PSG5: variants seen among roughly 807,000 people sequenced by gnomAD.
PSG5 encodes the protein pregnancy specific beta-1-glycoprotein 5.
Under a neutral mutation model 37.7 loss-of-function variants are expected in PSG5, and 53 were observed. The observed-to-expected ratio is 1.41, with a 90% confidence interval of 1.13 to 1.77. PSG5 has a LOEUF of 1.77. Ranked by LOEUF, PSG5 falls within the 40% of genes most tolerant of loss-of-function variation. PSG5 has a pLI of 0.00. For missense variants in PSG5, 547 were observed against 405.2 expected, an observed-to-expected ratio of 1.35 and a Z score of -3.00; for synonymous variants, 221 against 155.4, an observed-to-expected ratio of 1.42 and a Z score of -3.14.
In PSG5 at chr19:43,178,422, C is replaced by A. The variant is rs868500686; in HGVS notation, c.431-2274G>T. Among the ~76,000 whole-genome samples the A allele has an allele frequency of 1.8e-4, 27 of 151,918 alleles. No individual in the cohort carries two copies. The East Asian group carries it at 2.3e-3, about 13-fold the overall frequency. On this transcript the variant is annotated intron_variant, in intron 2 of 5. Coordinates refer to ENST00000342951, the MANE Select transcript of PSG5 (RefSeq NM_002781.4). ...TCTGTGAGGCAGGAGAGATTGGGGA[C>A]TTCCCCTGTATGGTAATAGGTGTAT...
Position 43,179,152 on chromosome 19 carries a change from T to C in PSG5, c.431-3004A>G, listed in dbSNP as rs193006784. 3.3e-4 allele frequency: 521 copies of C among 1,590,668 alleles called. 13 individuals are homozygous for C. Among genetic ancestry groups the C allele is most frequent in the Admixed American group, 4.7e-4 (28 of 59,672 alleles). On this transcript the variant is annotated intron_variant, in intron 2 of 5. Coordinates refer to ENST00000342951, the MANE Select transcript of PSG5 (RefSeq NM_002781.4). Reference sequence around the variant, plus strand: ...CTACTGGAGATGGAGGGCTTGGGAGTTTCCACTTTGCAGAAAACAGAGAGA... The same window carrying C: ...CTACTGGAGATGGAGGGCTTGGGAGCTTCCACTTTGCAGAAAACAGAGAGA...
rs184982422 is a variant in PSG5 at position 43,186,045 on chromosome 19, C to T, written c.64+297G>A. The stretch of plus-strand genomic sequence containing the variant: ...AGGCTGGCGTGCAGTGGTGCTATCT[C>T]GGCTCGCTGCAACTTCTGCCTCCCG... On this transcript the variant is annotated intron_variant, in intron 1 of 5. Coordinates refer to ENST00000342951, the MANE Select transcript of PSG5 (RefSeq NM_002781.4). Among the ~76,000 whole-genome samples, 8 of 151,154 alleles carry T rather than the reference C, an allele frequency of 5.3e-5. No homozygotes were observed. In the East Asian group the frequency reaches 9.7e-4, roughly 18 times the overall value.
rs139872039 is a variant in PSG5 at position 43,184,991 on chromosome 19, T to C, written c.221A>G (p.Asp74Gly). The change falls in exon 2 of 6, where the codon GAC (aspartate) becomes GGC (glycine). Residue 74 changes from aspartate (D) to glycine (G), a missense_variant. Transcript: ENST00000342951. ...ATATGATGTAATGTAATGGTAGAGG[T>C]CCATCAGTTGTCCTTTGTACCAGAT... ...GYIWYKGQLM[D>G]LYHYITSYVV... 1 of 1,612,482 alleles carries C rather than the reference T, an allele frequency of 6.2e-7. No individual in the cohort carries two copies. Among genetic ancestry groups the C allele is most frequent in the Admixed American group, 1.7e-5 (1 of 59,876 alleles).
chr19:43,176,349 A>G (rs970860261), intron 2 of PSG5, among the ~76,000 whole-genome samples: 16 of 151,604 alleles, frequency 1.1e-4, no homozygotes, highest in East Asian at 1.9e-4. Context: ...GTTTTAGGGA[A>G]GCACAGACTT....
At chr19:43,171,999 G>GAAAAAAAAAAAAAAAAAAA (rs1395609536) in intron 4 of PSG5, among the ~76,000 whole-genome samples, 1 of 132,148 alleles carries the variant, frequency 7.6e-6, no homozygotes, top group Admixed American at 7.4e-5. Context: ...AAAAAAAAAA[G>GAAAAAAAAAAAAAAAAAAA]AAAAAGAAAG....
At position 43,179,205 on chromosome 19, in the gene PSG5, C is replaced by T; in HGVS notation, c.431-3057G>A. 4.6e-6 allele frequency: 7 copies of T among 1,524,594 alleles called. 1 individual carries two copies. Among genetic ancestry groups the T allele is most frequent in the Non-Finnish European group, 6.3e-6 (7 of 1,113,518 alleles). The allele number at this position is 1,524,594 out of a possible 1,614,324, so 94.4% of individuals were successfully genotyped here. On this transcript the variant is annotated intron_variant, in intron 2 of 5. Coordinates refer to ENST00000342951, the MANE Select transcript of PSG5 (RefSeq NM_002781.4). ...ATTGCCCTGTGTGGCACCTTTGATT[C>T]CTCCAAAGGCACTTTTCAATCAGAG...
chr19:43,170,298 GTT>G (rs370714787), intron 4 of PSG5, 160 bp from the exon 5 acceptor site: 17 of 673,296 alleles, frequency 2.5e-5, no homozygotes, highest in East Asian at 5.0e-5. Context: ...TATTCTTGCA[GTT>G]TTTTTTTTCC....
At chr19:43,185,204 A>T in intron 1 of PSG5, 57 bp from the exon 2 acceptor site, 1 of 1,525,838 alleles carries the variant, frequency 6.6e-7, no homozygotes, top group East Asian at 2.3e-5. Flanking sequence ...GGGTGAAAAG[A>T]TGGAGCCCTG....
intron 1 of PSG5, 144 bp from the exon 2 acceptor site, chr19:43,185,291 A>G: frequency 3.3e-6 from 4 of 1,224,240 alleles, no homozygotes; most frequent in Non-Finnish European, 4.6e-6. Flanking sequence ...CAAAAGGTGC[A>G]TGTTAGTTTG....
In PSG5 at chr19:43,177,507, C is replaced by T. The variant is rs1185489938; in HGVS notation, c.431-1359G>A. On this transcript the variant is annotated intron_variant, in intron 2 of 5. Coordinates refer to ENST00000342951, the MANE Select transcript of PSG5 (RefSeq NM_002781.4). ...GTGATAAGCCAAATATATTCCTGCC[C>T]TTTTTTTTTTTTATCTCACCACGTT... Among the ~76,000 whole-genome samples, 3 of 144,112 alleles carry T rather than the reference C, an allele frequency of 2.1e-5. No homozygotes were observed. In the Admixed American group the frequency reaches 2.1e-4, roughly 10 times the overall value. 94.5% of individuals were successfully genotyped at this position (144,112 alleles called of 152,430 possible).
At position 43,179,261 on chromosome 19, in the gene PSG5, G is replaced by C. The variant is rs1172808682; in HGVS notation, c.431-3113C>G. 1.1e-5 allele frequency: 15 copies of C among 1,356,034 alleles called. 1 individual carries two copies. The highest frequency in any genetic ancestry group is 1.4e-5 in the Non-Finnish European group (14 of 985,942). The allele number at this position is 1,356,034 out of a possible 1,614,324, so 84.0% of individuals were successfully genotyped here. On this transcript the variant is annotated intron_variant, in intron 2 of 5. Coordinates refer to ENST00000342951, the MANE Select transcript of PSG5 (RefSeq NM_002781.4). ...ATTTCCCACCTGTCAGCCCACCCAA[G>C]TCCTTAAAAGCCCATGGCAGGTGTG...
intron 2 of PSG5, among the ~76,000 whole-genome samples, chr19:43,176,424 C>A (rs1441719262): frequency 6.6e-6 from 1 of 151,482 alleles, no homozygotes. Flanking sequence ...AGTCACAGCC[C>A]CTGGTACCCC....
intron 4 of PSG5, among the ~76,000 whole-genome samples, chr19:43,172,549 C>A (rs568890595): frequency 3.3e-5 from 5 of 151,396 alleles, no homozygotes; most frequent in Non-Finnish European, 7.4e-5. Flanking sequence ...AATACAAAAT[C>A]AACATTCAAA....
At chr19:43,178,321 G>C (rs960067217) in intron 2 of PSG5, among the ~76,000 whole-genome samples, 3 of 151,532 alleles carry the variant, frequency 2.0e-5, no homozygotes, top group Non-Finnish European at 4.4e-5. Flanking sequence ...TGGTGATTTG[G>C]GGAATAAAGC....
At chr19:43,185,296 AGTTT>A in intron 1 of PSG5, 149 bp from the exon 2 acceptor site, 3 of 1,199,488 alleles carry the variant, frequency 2.5e-6, no homozygotes, top group South Asian at 1.5e-5. Context: ...GGTGCATGTT[AGTTT>A]GTGTGTGTGT....
At chr19:43,180,234 C>G (rs537357376) in intron 2 of PSG5, 3 of 151,504 alleles carry the variant, frequency 2.0e-5, no homozygotes, top group Non-Finnish European at 1.5e-5. Context: ...CATGGGTGTG[C>G]GGTTTCAGTT....
Position 43,173,167 on chromosome 19 carries a change from C to A in PSG5, c.964+2048G>T, listed in dbSNP as rs538702635. 5.3e-5 allele frequency among the ~76,000 whole-genome samples: 8 copies of A among 151,680 alleles called. No homozygotes were observed. In the East Asian group the frequency reaches 1.2e-3, roughly 22 times the overall value. On this transcript the variant is annotated intron_variant, in intron 4 of 5. Coordinates refer to ENST00000342951, the MANE Select transcript of PSG5 (RefSeq NM_002781.4). ...AAATGATATTGGGAAAGCTGGATAT[C>A]CAAGGGCAAGAGAGTGGAACCTTTA...
rs1269487511 is a variant in PSG5, at chr19:43,168,417, G to A, written c.*41-214C>T. Among the ~76,000 whole-genome samples, 3 of 151,292 alleles carry A rather than the reference G, an allele frequency of 2.0e-5. No homozygotes were observed. The East Asian group carries it at 5.8e-4, about 29-fold the overall frequency. On this transcript the variant is annotated intron_variant, in intron 5 of 5. Coordinates refer to ENST00000342951, the MANE Select transcript of PSG5 (RefSeq NM_002781.4). ...GGAGTCTCACTCTGTCACCCAGGCT[G>A]GAGTGCAGTGATGCGATCTCAGTTC... is the stretch of plus-strand genomic sequence containing the variant.
chr19:43,175,875 A>G lies in PSG5; in HGVS notation c.704T>C (p.Val235Ala), dbSNP rs576292321. The G allele has an allele frequency of 4.2e-5, 68 of 1,612,458 alleles. No homozygotes were observed. In the Admixed American group the frequency reaches 8.9e-4, roughly 21 times the overall value. The change falls in exon 3 of 6, where the codon GTC (valine) becomes GCC (alanine). Residue 235 changes from valine (V) to alanine (A), a missense_variant. Physicochemically the swap from Val to Ala is moderately conservative, Grantham distance 64. Coordinates refer to ENST00000342951, the MANE Select transcript of PSG5 (RefSeq NM_002781.4). ...GAGGAACAAAAGATACTCACAGAGGACATTCAGGGTGACTGGGTCACTGCG... is the reference window on the plus strand; with the variant it reads ...GAGGAACAAAAGATACTCACAGAGGGCATTCAGGGTGACTGGGTCACTGCG... ...GMRSDPVTLN[V>A]LYGPDLPSIY...
Sources: allele counts gnomAD v4.1 joint callset (sites outside exome capture counted in the v4.1 genomes callset), GRCh38; gene constraint gnomAD v4.1.1; transcripts MANE v1.5; gene names NCBI Gene and HGNC (gene_info 2026-07-23, HGNC 2026-07-21).